The following SLIT2 variants were observed in gnomAD, a reference collection of about 807,000 sequenced individuals.
SLIT2 encodes slit homolog 2 protein.
Under a neutral mutation model 185.7 loss-of-function variants are expected in SLIT2, and 41 were observed. The observed-to-expected ratio is 0.22, with a 90% CI of 0.17 to 0.29. SLIT2 has a LOEUF of 0.29. Among genes scored for constraint, SLIT2 ranks in the 10% least tolerant of loss-of-function variants. The pLI is 1.00. For synonymous variants in SLIT2, 693 were observed against 680.2 expected, an observed-to-expected ratio of 1.02 and a Z score of -0.29; for missense variants, 1,571 against 1,909.0, an observed-to-expected ratio of 0.82 and a Z score of 3.30.
At chr4:20,474,878 G>T (rs749070605) in intron 5 of SLIT2, among the ~76,000 whole-genome samples, 3 of 151,728 alleles carry the variant, frequency 2.0e-5, no homozygotes, top group African/African-American at 2.4e-5. Context: ...AAGTACCTTT[G>T]TTATAGACAC....
At chr4:20,540,181 G>A (rs551465254) in intron 19 of SLIT2, among the ~76,000 whole-genome samples, 9 of 152,090 alleles carry the variant, frequency 5.9e-5, no homozygotes, top group South Asian at 2.1e-4. Flanking sequence ...CCAGCTACTC[G>A]GGAGGGTGAG....
In SLIT2 at chr4:20,495,144, G is replaced by A. The variant is rs1017411913; in HGVS notation, c.914+3245G>A. On this transcript the variant is annotated intron_variant, in intron 9 of 36. Coordinates refer to ENST00000504154, the MANE Select transcript of SLIT2 (RefSeq NM_004787.4). ...AGGTCAATGAGCCACCTTTCAGACT[G>A]TAAAGAAAAGAAGTATTGATTAATA... is the stretch of plus-strand genomic sequence containing the variant. Among the ~76,000 whole-genome samples the A allele has an allele frequency of 3.3e-5, 5 of 152,312 alleles. 1 individual carries two copies. The highest frequency in any genetic ancestry group is 2.1e-4 in the South Asian group (1 of 4,828).
chr4:20,493,044 T>C (rs2148799475), intron 9 of SLIT2, among the ~76,000 whole-genome samples: 1 of 152,328 alleles, frequency 6.6e-6, no homozygotes, highest in East Asian at 1.9e-4. Context: ...GAACATTACT[T>C]TACCTCTAGA....
chr4:20,298,455 A>G (rs1716716593), intron 4 of SLIT2, among the ~76,000 whole-genome samples: 1 of 152,096 alleles, frequency 6.6e-6, no homozygotes, highest in Admixed American at 6.6e-5. Flanking sequence ...ACTAATTTTG[A>G]TATTTGTCCT....
rs1450139711 is a variant in SLIT2, at chr4:20,472,248, A to ATATATATCTATATATAGATATATATC, written c.467+4431_467+4432insTCTATATATAGATATATATCTATATA. Among the ~76,000 whole-genome samples the ATATATATCTATATATAGATATATATC allele has an allele frequency of 8.2e-3, 316 of 38,706 alleles. 25 individuals are homozygous for ATATATATCTATATATAGATATATATC. Among genetic ancestry groups the ATATATATCTATATATAGATATATATC allele is most frequent in the South Asian group, 0.011 (9 of 822 alleles). 25.4% of individuals were successfully genotyped at this position (38,706 alleles called of 152,430 possible). ...TATATATATATAGATCTATATATCT[A>ATATATATCTATATATAGATATATATC]TATATAGATCTATATATAGATATAT... is the stretch of plus-strand genomic sequence containing the variant. On this transcript the variant is annotated intron_variant, in intron 5 of 36. Coordinates refer to ENST00000504154, the MANE Select transcript of SLIT2 (RefSeq NM_004787.4).
chr4:20,512,351 T>C (rs1719831666), intron 11 of SLIT2, among the ~76,000 whole-genome samples: 1 of 152,192 alleles, frequency 6.6e-6, no homozygotes, highest in African/African-American at 2.4e-5. Context: ...TTCCAGTTGC[T>C]ATGTTAGTCT....
intron 11 of SLIT2, among the ~76,000 whole-genome samples, chr4:20,517,902 G>A (rs1375114243): frequency 1.3e-5 from 2 of 151,556 alleles, no homozygotes; most frequent in African/African-American, 4.8e-5. Flanking sequence ...TATATGTTAT[G>A]GCAGCCATTT....
intron 9 of SLIT2, 30 bp from the exon 10 acceptor site, chr4:20,510,465 A>G: frequency 6.8e-7 from 1 of 1,481,244 alleles, no homozygotes; most frequent in South Asian, 1.1e-5. Flanking sequence ...TCACATTTCC[A>G]TTTAAAAGTT....
intron 4 of SLIT2, among the ~76,000 whole-genome samples, chr4:20,362,659 T>G: frequency 6.6e-6 from 1 of 151,868 alleles, no homozygotes. Context: ...TCTTTTTAGC[T>G]TGCATAAATA....
At position 20,542,396 on chromosome 4, in the gene SLIT2, A is replaced by G. The variant is rs1222054394; in HGVS notation, c.2144-98A>G. On this transcript the variant is annotated intron_variant, in intron 20 of 36. Coordinates refer to ENST00000504154, the MANE Select transcript of SLIT2 (RefSeq NM_004787.4). ...CAAATAAATGATTATGTAGCTTAAG[A>G]CTCTTGTGTTTGTTAAGTTAATTTA... 12 of 1,114,038 alleles carry G rather than the reference A, an allele frequency of 1.1e-5. No homozygotes were observed. The Admixed American group carries it at 2.1e-4, about 20-fold the overall frequency. 69.0% of individuals were successfully genotyped at this position (1,114,038 alleles called of 1,614,324 possible).
chr4:20,500,508 G>A (rs767249551), intron 9 of SLIT2, among the ~76,000 whole-genome samples: 6 of 151,996 alleles, frequency 3.9e-5, no homozygotes, highest in Non-Finnish European at 8.8e-5. Context: ...TTTCAGGCAA[G>A]CTAATATGAA....
chr4:20,496,857 C>T (rs1718270803), intron 9 of SLIT2, among the ~76,000 whole-genome samples: 1 of 152,020 alleles, frequency 6.6e-6, no homozygotes, highest in Non-Finnish European at 1.5e-5. Context: ...GCTGTATTAA[C>T]CAAATTTGAT....
intron 21 of SLIT2, among the ~76,000 whole-genome samples, chr4:20,543,798 T>G (rs1183849856): frequency 6.6e-6 from 1 of 152,178 alleles, no homozygotes; most frequent in Non-Finnish European, 1.5e-5. Context: ...TGAACTGCTG[T>G]TAAGTGCTTA....
At position 20,598,366 on chromosome 4, in the gene SLIT2, C is replaced by T. The variant is rs781071725; in HGVS notation, c.3663C>T (p.Thr1221=). The T allele has an allele frequency of 5.0e-6, 8 of 1,613,902 alleles. No homozygotes were observed. In the Admixed American group the frequency reaches 6.7e-5, roughly 13 times the overall value. The change falls in exon 33 of 37, where the codon ACC becomes ACT. Residue 1221 remains threonine, a synonymous_variant. Coordinates refer to ENST00000504154, the MANE Select transcript of SLIT2 (RefSeq NM_004787.4). Reference sequence around the variant, plus strand: ...GGCGTGTTCGTGCCAGCTATGACACCGGCTCTCATCCAGCTTCTGCCATTT... The same window carrying T: ...GGCGTGTTCGTGCCAGCTATGACACTGGCTCTCATCCAGCTTCTGCCATTT... The part of the protein sequence containing the change: ...YRGRVRASYD[T]GSHPASAIYS...
At chr4:20,508,702 A>G (rs1719429405) in intron 9 of SLIT2, among the ~76,000 whole-genome samples, 1 of 152,154 alleles carries the variant, frequency 6.6e-6, no homozygotes, top group African/African-American at 2.4e-5. Context: ...GTAGGGCATT[A>G]TGGATTTAGT....
At chr4:20,354,512 T>A (rs910849267) in intron 4 of SLIT2, among the ~76,000 whole-genome samples, 18 of 152,184 alleles carry the variant, frequency 1.2e-4, no homozygotes, top group African/African-American at 4.1e-4. Flanking sequence ...AGGCACATTG[T>A]TAAGGGCACT....
At chr4:20,594,465 CA>C (rs1353658038) in intron 30 of SLIT2, among the ~76,000 whole-genome samples, 1 of 151,768 alleles carries the variant, frequency 6.6e-6, no homozygotes, top group African/African-American at 2.4e-5. Flanking sequence ...TCTTGGAAGC[CA>C]ATGTGTAAGC....
chr4:20,525,269 A>C (rs1721187282), intron 15 of SLIT2, 97 bp downstream of exon 15: 1 of 895,646 alleles, frequency 1.1e-6, no homozygotes. Flanking sequence ...CTGAAAGTAC[A>C]GTGGATACTC....
At chr4:20,508,195 C>A (rs1173567331) in intron 9 of SLIT2, among the ~76,000 whole-genome samples, 1 of 151,832 alleles carries the variant, frequency 6.6e-6, no homozygotes, top group African/African-American at 2.4e-5. Context: ...GCCAAAAACC[C>A]AGTTAGCAGG....
Sources: allele counts gnomAD v4.1 joint callset (sites outside exome capture counted in the v4.1 genomes callset), GRCh38; gene constraint gnomAD v4.1.1; transcripts MANE v1.5; gene names NCBI Gene and HGNC (gene_info 2026-07-23, HGNC 2026-07-21).